SLC6A18: variants seen among roughly 807,000 people sequenced by gnomAD.
SLC6A18 encodes solute carrier family 6 member 18.
SLC6A18 carries 58 observed loss-of-function variants against 62.9 expected under a neutral mutation model. The observed-to-expected ratio is 0.92, with a 90% CI of 0.75 to 1.15. The LOEUF (loss-of-function observed/expected upper bound fraction) is 1.15. SLC6A18 is among the 50% of genes most tolerant of loss of function. The pLI is 0.00. For missense variants in SLC6A18, 793 were observed against 836.6 expected (o/e 0.95, Z 0.64); for synonymous variants, 382 against 365.8 (o/e 1.04, Z -0.51).
In SLC6A18 at chr5:1,244,205, C is replaced by A; in HGVS notation, c.1337-9C>A. ...CCTTACCCCCCACACCCCTTTCCCACTGCCCCAGGGCTGGTCTGCCTGGTC... is the reference window on the plus strand; with the variant it reads ...CCTTACCCCCCACACCCCTTTCCCAATGCCCCAGGGCTGGTCTGCCTGGTC... On this transcript the variant is annotated splice_polypyrimidine_tract_variant and intron_variant, in intron 9 of 11. Coordinates refer to ENST00000324642, the MANE Select transcript of SLC6A18 (RefSeq NM_182632.3). The A allele has an allele frequency of 6.2e-7, 1 of 1,603,274 alleles. No homozygotes were observed. Among genetic ancestry groups the A allele is most frequent in the Non-Finnish European group, 8.5e-7 (1 of 1,173,144 alleles).
chr5:1,231,119 C>T (rs371316971), intron 1 of SLC6A18, among the ~76,000 whole-genome samples: 1 of 152,196 alleles, frequency 6.6e-6, no homozygotes, highest in Admixed American at 6.5e-5. Context: ...CCAGCTCTGC[C>T]GCTGGGGCCA....
Position 1,246,112 on chromosome 5 carries a change from T to C in SLC6A18, c.*34T>C. 1 of 1,502,148 alleles carries C rather than the reference T, an allele frequency of 6.7e-7. No homozygotes were observed. The highest frequency in any genetic ancestry group is 2.6e-5 in the East Asian group (1 of 37,766). 93.1% of individuals were successfully genotyped at this position (1,502,148 alleles called of 1,614,324 possible). A position where few individuals can be genotyped will look rare whatever the true frequency, so the allele number is the denominator to read the frequency against. On this transcript the variant is annotated 3_prime_UTR_variant, in exon 12 of 12. Transcript: ENST00000324642. ...GGAGCGGGGCCTGCATGGGCGGGTCTGTGGGGGGGCTTGGCCTGATGGTGG... is the reference window on the plus strand; with the variant it reads ...GGAGCGGGGCCTGCATGGGCGGGTCCGTGGGGGGGCTTGGCCTGATGGTGG...
At chr5:1,231,168 G>T (rs989079803) in intron 1 of SLC6A18, among the ~76,000 whole-genome samples, 1 of 152,168 alleles carries the variant, frequency 6.6e-6, no homozygotes. Context: ...AGCCCTGCTC[G>T]CATCCTCAGC....
At chr5:1,244,110 C>T (rs1032659080) in intron 9 of SLC6A18, 104 bp from the exon 10 acceptor site, 2 of 1,005,468 alleles carry the variant, frequency 2.0e-6, no homozygotes, top group Non-Finnish European at 1.5e-6. Context: ...CCTGGCCCTC[C>T]CCGCTGTCCG....
rs769382102 is a variant in SLC6A18, at chr5:1,245,970, G to A, written c.1779G>A (p.Arg593=). ...PVAALAQLLT[R]RRRTWRDRDA... ...CCGCGCTTGCTCAGCTGCTCACCCG[G>A]CGGAGGCGGACGTGGAGGGACAGGG... Residue 593 remains arginine, a synonymous_variant, in exon 12 of 12, where the codon CGG becomes CGA. Coordinates refer to ENST00000324642, the MANE Select transcript of SLC6A18 (RefSeq NM_182632.3). 6.2e-7 allele frequency: 1 copy of A among 1,601,046 alleles called. No individual in the cohort carries two copies. The highest frequency in any genetic ancestry group is 1.1e-5 in the South Asian group (1 of 90,780).
chr5:1,232,981 G>C (rs576856802), intron 3 of SLC6A18, 93 bp downstream of exon 3: 1 of 1,502,946 alleles, frequency 6.7e-7, no homozygotes, highest in East Asian at 2.3e-5. Flanking sequence ...TGCGGGTGGC[G>C]GATGCTCACC....
chr5:1,234,009 G>A (rs1366391975), intron 3 of SLC6A18, among the ~76,000 whole-genome samples: 2 of 152,118 alleles, frequency 1.3e-5, no homozygotes, highest in Non-Finnish European at 2.9e-5. Flanking sequence ...CCAAAGTGCT[G>A]GGATTACAGG....
intron 10 of SLC6A18, 101 bp downstream of exon 10, chr5:1,244,474 A>AGAATGTTCT: frequency 6.4e-7 from 1 of 1,562,416 alleles, no homozygotes; most frequent in South Asian, 1.2e-5. Flanking sequence ...CAGACCGCCG[A>AGAATGTTCT]GAATGTTCTG....
rs141226479 is a variant in SLC6A18, at chr5:1,243,625, T to C, written c.1202T>C (p.Val401Ala). The C allele has an allele frequency of 1.7e-5, 27 of 1,613,928 alleles. No homozygotes were observed. The African/African-American group carries it at 3.3e-4, about 20-fold the overall frequency. Reference protein sequence around the residue: ...ETDLHMPGAPVWAMLFFGMLF... With the variant: ...ETDLHMPGAPAWAMLFFGMLF... ...GACCTCCACATGCCGGGGGCTCCTG[T>C]GTGGGCCATGCTCTTCTTCGGGATG... The change falls in exon 9 of 12, where the codon GTG (valine) becomes GCG (alanine). Residue 401 changes from valine (V) to alanine (A), a missense_variant. Coordinates refer to ENST00000324642, the MANE Select transcript of SLC6A18 (RefSeq NM_182632.3). The surrounding 1 kb of genome is among the most constrained non-coding windows in gnomAD (Gnocchi z 6.5).
At chr5:1,231,662 C>T (rs1046697805) in intron 1 of SLC6A18, among the ~76,000 whole-genome samples, 28 of 152,346 alleles carry the variant, frequency 1.8e-4, no homozygotes, top group Non-Finnish European at 2.2e-4. Context: ...AGCAGCCAGA[C>T]CTCCTCCGGT....
chr5:1,242,609 C>T (rs1367972664), intron 7 of SLC6A18, 98 bp from the exon 8 acceptor site: 1 of 1,491,076 alleles, frequency 6.7e-7, no homozygotes, highest in Non-Finnish European at 9.0e-7. Flanking sequence ...GGGCCCAGCC[C>T]TCCCAGGGAT....
At position 1,240,592 on chromosome 5, in the gene SLC6A18, G is replaced by T. The variant is rs766627247; in HGVS notation, c.907G>T (p.Ala303Ser). ...ALVNRMTSLYASIAVFSVLGF... is the reference protein window; with the variant it reads ...ALVNRMTSLYSSIAVFSVLGF... ...GGTCAACAGGATGACCTCCCTGTACGCGTCCATCGCTGTCTTCTCTGTCCT... is the reference window on the plus strand; with the variant it reads ...GGTCAACAGGATGACCTCCCTGTACTCGTCCATCGCTGTCTTCTCTGTCCT... The change falls in exon 7 of 12, where the codon GCG (alanine) becomes TCG (serine). Residue 303 changes from alanine (A) to serine (S), a missense_variant. By Grantham distance (99) the Ala-to-Ser change is moderately conservative (BLOSUM62 1). Coordinates refer to ENST00000324642, the MANE Select transcript of SLC6A18 (RefSeq NM_182632.3). The T allele has an allele frequency of 6.2e-7, 1 of 1,614,150 alleles. No homozygotes were observed. The highest frequency in any genetic ancestry group is 1.7e-5 in the Admixed American group (1 of 60,030).
chr5:1,243,489 C>T lies in SLC6A18; in HGVS notation c.1132-66C>T. 1 of 1,533,936 alleles carries T rather than the reference C, an allele frequency of 6.5e-7. No homozygotes were observed. The highest frequency in any genetic ancestry group is 2.3e-5 in the East Asian group (1 of 44,376). On this transcript the variant is annotated intron_variant, in intron 8 of 11. Coordinates refer to ENST00000324642, the MANE Select transcript of SLC6A18 (RefSeq NM_182632.3). The surrounding 1 kb of genome is among the most constrained non-coding windows in gnomAD (Gnocchi z 6.5). ...CCTGGGAGAGTGTGTGTCCTGCAGGCAGGCGTGTGTGTGTGGTGGAGTGTG... is the reference window on the plus strand; with the variant it reads ...CCTGGGAGAGTGTGTGTCCTGCAGGTAGGCGTGTGTGTGTGGTGGAGTGTG...
chr5:1,225,650 C>T lies in SLC6A18; in HGVS notation c.160+13C>T, dbSNP rs1746539587. ...ACCTATGGAGGAGGTAAGCACCCAC[C>T]TGCGTCCTGGGGCAGACCCCTAAGC... On this transcript the variant is annotated intron_variant, in intron 1 of 11. Transcript: ENST00000324642. 15 of 1,553,564 alleles carry T rather than the reference C, an allele frequency of 9.7e-6. No individual in the cohort carries two copies. The highest frequency in any genetic ancestry group is 1.3e-5 in the Non-Finnish European group (15 of 1,148,734).
chr5:1,238,266 GGGCCTC>G (rs1746944080), intron 5 of SLC6A18, among the ~76,000 whole-genome samples: 11 of 58,186 alleles, frequency 1.9e-4, no homozygotes, highest in Non-Finnish European at 2.8e-4. Flanking sequence ...AGTGAGCCTG[GGGCCTC>G]AGGAAAGAGG....
At chr5:1,226,733 G>C (rs1294693148) in intron 1 of SLC6A18, among the ~76,000 whole-genome samples, 1 of 152,166 alleles carries the variant, frequency 6.6e-6, no homozygotes, top group African/African-American at 2.4e-5. Context: ...CCCTTTGAAG[G>C]CATTTCTGAA....
At chr5:1,225,736 CAG>C in intron 1 of SLC6A18, 99 bp downstream of exon 1, 1 of 1,383,902 alleles carries the variant, frequency 7.2e-7, no homozygotes, top group Non-Finnish European at 9.7e-7. Flanking sequence ...AGTGCTTGGG[CAG>C]AGTCACTCCT....
rs140426193 is a variant in SLC6A18 at position 1,242,643 on chromosome 5, A to G, written c.975-64A>G. On this transcript the variant is annotated intron_variant, in intron 7 of 11. Transcript: ENST00000324642. The stretch of plus-strand genomic sequence containing the variant: ...ATGCTGTGCTTCGCAGCACCAACCA[A>G]GGGTTTCTCTGGATGTGTTTGGGAA... 3.5e-4 allele frequency: 538 copies of G among 1,541,726 alleles called. 3 individuals carry two copies. In the East Asian group the frequency reaches 0.012, roughly 34 times the overall value.
Position 1,225,386 on chromosome 5 carries a change from C to G in SLC6A18, c.-92C>G. 7.3e-7 allele frequency: 1 copy of G among 1,376,810 alleles called. No individual in the cohort carries two copies. The highest frequency in any genetic ancestry group is 9.7e-7 in the Non-Finnish European group (1 of 1,032,094). The allele number at this position is 1,376,810 out of a possible 1,614,324, so 85.3% of individuals were successfully genotyped here. A position where few individuals can be genotyped will look rare whatever the true frequency, so the allele number is the denominator to read the frequency against. Reference sequence around the variant, plus strand: ...ACTGCAGTGGGGCTGCTTGTGGTTTCCAAACGTCGGCAGAGGCTGGAGACG... The same window carrying G: ...ACTGCAGTGGGGCTGCTTGTGGTTTGCAAACGTCGGCAGAGGCTGGAGACG... On this transcript the variant is annotated 5_prime_UTR_variant, in exon 1 of 12. Transcript: ENST00000324642.
Sources: gnomAD v4.1 joint callset for allele counts (sites outside exome capture counted in the v4.1 genomes callset) on GRCh38, gnomAD v4.1.1 for gene constraint, Gnocchi (gnomAD v3.1) non-coding constraint, MANE v1.5 for transcripts, NCBI Gene and HGNC (gene_info 2026-07-23, HGNC 2026-07-21) for gene names.